VDAC1: variants seen among roughly 807,000 people sequenced by gnomAD.
VDAC1 encodes voltage dependent anion channel 1.
Under a neutral mutation model 34.7 loss-of-function variants are expected in VDAC1, and 10 were observed. The observed-to-expected ratio is 0.29, with a 90% confidence interval of 0.18 to 0.49. VDAC1 has a LOEUF of 0.49. VDAC1 is among the 20% of genes least tolerant of loss of function. The pLI is 0.99. For missense variants in VDAC1, 230 were observed against 347.9 expected (o/e 0.66, Z 2.69); for synonymous variants, 130 against 136.0 (o/e 0.96, Z 0.30).
chr5:134,005,367 G>C (rs2288835), upstream of VDAC1: 1 of 152,222 alleles, frequency 6.6e-6, no homozygotes, highest in Non-Finnish European at 1.5e-5. Context: ...TGTTGCTCCC[G>C]AGCTCCGCGC....
At chr5:134,074,594 G>C in the VDAC1 span, among the ~76,000 whole-genome samples, 2 of 151,890 alleles carry the variant, frequency 1.3e-5, no homozygotes, top group African/African-American at 4.8e-5. Flanking sequence ...CACCAGTCAG[G>C]CCTGGTCAAC....
At chr5:134,091,701 A>G in the VDAC1 span, among the ~76,000 whole-genome samples, 4 of 152,238 alleles carry the variant, frequency 2.6e-5, no homozygotes, top group Non-Finnish European at 4.4e-5. Flanking sequence ...GATCATCTAT[A>G]AACAGACTGT....
chr5:134,038,419 G>A, the VDAC1 span, among the ~76,000 whole-genome samples: 6 of 152,154 alleles, frequency 3.9e-5, no homozygotes, highest in Non-Finnish European at 7.3e-5. Context: ...AGCATGGAGG[G>A]TAAGAGCGGG....
At chr5:133,989,725 C>T (rs1753032727) in intron 5 of VDAC1, among the ~76,000 whole-genome samples, 1 of 151,738 alleles carries the variant, frequency 6.6e-6, no homozygotes, top group South Asian at 2.1e-4. Flanking sequence ...TGCAATGGCA[C>T]CACCTTGGCT....
chr5:134,026,516 GAAAA>G, the VDAC1 span, among the ~76,000 whole-genome samples: 1 of 72,334 alleles, frequency 1.4e-5, no homozygotes, highest in African/African-American at 5.4e-5. Flanking sequence ...CTCCGTCTCA[GAAAA>G]AAAAAAAAAA....
the VDAC1 span, among the ~76,000 whole-genome samples, chr5:134,019,353 G>A: frequency 4.6e-5 from 7 of 152,158 alleles, no homozygotes; most frequent in South Asian, 2.1e-4. Context: ...TAAGGGAGGC[G>A]GATTGCTTGA....
chr5:134,108,804 G>C, the VDAC1 span, among the ~76,000 whole-genome samples: 1 of 152,150 alleles, frequency 6.6e-6, no homozygotes, highest in Non-Finnish European at 1.5e-5. Context: ...CCAGGGCCTA[G>C]TTCACCTAGG....
the VDAC1 span, among the ~76,000 whole-genome samples, chr5:134,053,688 G>C: frequency 2.0e-5 from 3 of 152,320 alleles, no homozygotes; most frequent in Non-Finnish European, 4.4e-5. Context: ...CCTCCACTTT[G>C]CTGGGCAACT....
At chr5:134,009,920 A>G (rs1753805925), upstream of VDAC1, among the ~76,000 whole-genome samples, 1 of 152,094 alleles carries the variant, frequency 6.6e-6, no homozygotes, top group South Asian at 2.1e-4. Context: ...ACCTGAAGTA[A>G]TCAACCTGTC....
At chr5:134,001,381 T>C (rs1480356827) in intron 1 of VDAC1, among the ~76,000 whole-genome samples, 3 of 152,066 alleles carry the variant, frequency 2.0e-5, no homozygotes, top group Non-Finnish European at 4.4e-5. Flanking sequence ...GAGCAAGCCC[T>C]CAATCAGCAA....
intron 3 of VDAC1, among the ~76,000 whole-genome samples, chr5:133,992,026 C>T (rs960497363): frequency 1.2e-4 from 18 of 152,098 alleles, no homozygotes; most frequent in Non-Finnish European, 2.5e-4. Flanking sequence ...CACCTGAAGT[C>T]GGGAGTTCAA....
the VDAC1 span, among the ~76,000 whole-genome samples, chr5:134,035,517 C>T: frequency 1.3e-5 from 2 of 152,000 alleles, no homozygotes; most frequent in Non-Finnish European, 2.9e-5. Flanking sequence ...CAAAGTGCTG[C>T]GATTACAGGC....
chr5:134,083,390 A>G, the VDAC1 span, among the ~76,000 whole-genome samples: 7 of 151,980 alleles, frequency 4.6e-5, no homozygotes, highest in South Asian at 2.1e-4. Flanking sequence ...GGGTTTCACT[A>G]TGTTGGCCAG....
the VDAC1 span, among the ~76,000 whole-genome samples, chr5:134,065,925 C>A: frequency 5.3e-5 from 8 of 150,270 alleles, no homozygotes; most frequent in African/African-American, 2.0e-4. Flanking sequence ...TCCCGAGTAG[C>A]TGGGATTACA....
At chr5:133,975,792 A>G in intron 7 of VDAC1, 79 bp downstream of exon 7, 4 of 1,572,516 alleles carry the variant, frequency 2.5e-6, no homozygotes, top group Non-Finnish European at 3.5e-6. Context: ...GAAGCACAGC[A>G]CTCCAGCAAA....
chr5:134,109,989 C>T, the VDAC1 span, among the ~76,000 whole-genome samples: 2 of 152,306 alleles, frequency 1.3e-5, no homozygotes, highest in African/African-American at 2.4e-5. Flanking sequence ...CCTTCGCTGT[C>T]GCCACCTTGG....
the VDAC1 span, among the ~76,000 whole-genome samples, chr5:134,032,245 C>A: frequency 6.6e-6 from 1 of 151,836 alleles, no homozygotes; most frequent in African/African-American, 2.4e-5. Context: ...CAGATTCTCT[C>A]CTAGAGGCTC....
the VDAC1 span, among the ~76,000 whole-genome samples, chr5:134,017,741 G>A: frequency 2.6e-5 from 4 of 151,612 alleles, no homozygotes; most frequent in African/African-American, 7.3e-5. Context: ...GTGAAACCCC[G>A]TCTCTACTAA....
the VDAC1 span, among the ~76,000 whole-genome samples, chr5:134,088,449 C>CT: frequency 6.6e-6 from 1 of 152,164 alleles, no homozygotes; most frequent in Admixed American, 6.5e-5. Context: ...GGAGAGACAG[C>CT]TGGAAGGGGG....
Sources: gnomAD v4.1 joint callset for allele counts (sites outside exome capture counted in the v4.1 genomes callset) on GRCh38, gnomAD v4.1.1 for gene constraint, MANE v1.5 for transcripts, NCBI Gene and HGNC (gene_info 2026-07-23, HGNC 2026-07-21) for gene names.